GRM4: variants seen among roughly 807,000 people sequenced by gnomAD.
GRM4 encodes glutamate metabotropic receptor 4, also known as metabotropic glutamate receptor 4.
A neutral mutation model predicts 81.7 loss-of-function variants in GRM4; 28 were observed. The observed-to-expected ratio is 0.34, with a 90% CI of 0.25 to 0.47. The LOEUF (loss-of-function observed/expected upper bound fraction) is 0.47. GRM4 is among the 20% of genes least tolerant of loss of function. The pLI is 1.00. For missense variants in GRM4, 948 were observed against 1,290.0 expected (o/e 0.73, Z 4.06); for synonymous variants, 488 against 528.8 (o/e 0.92, Z 1.06).
In GRM4 at chr6:34,036,559, G is replaced by A; in HGVS notation, c.1551C>T (p.Arg517=). 1 of 1,603,722 alleles carries A rather than the reference G, an allele frequency of 6.2e-7. No individual in the cohort carries two copies. Among genetic ancestry groups the A allele is most frequent in the East Asian group, 2.2e-5 (1 of 44,754 alleles). ...HWPGSGQQLP[R]SICSLPCQPG... ...GTTGGCAGGGCAGGCTGCAGATGGA[G>A]CGGGGCAGCTGCTGCCCGCTCCCCG... Residue 517 remains arginine (R), a synonymous_variant, in exon 9 of 11, where the codon CGC becomes CGT. Transcript: ENST00000538487. This position sits in a 1 kb window ranked among gnomAD's most constrained non-coding sequence, Gnocchi z 9.0.
intron 8 of GRM4, 69 bp downstream of exon 8, chr6:34,040,109 T>G (rs553422137): frequency 1.3e-6 from 2 of 1,508,812 alleles, no homozygotes; most frequent in African/African-American, 1.4e-5. Flanking sequence ...CAGCCTCCCC[T>G]TGGGCCCCCC....
intron 6 of GRM4, among the ~76,000 whole-genome samples, chr6:34,046,782 C>T (rs1046124038): frequency 1.3e-5 from 2 of 152,206 alleles, no homozygotes; most frequent in African/African-American, 4.8e-5. Context: ...CACACCTACA[C>T]AGATATAAAC....
chr6:34,127,182 A>G (rs749386228), intron 2 of GRM4, among the ~76,000 whole-genome samples: 41 of 152,218 alleles, frequency 2.7e-4, no homozygotes, highest in Non-Finnish European at 5.1e-4. Context: ...AAATGTGTAC[A>G]TGACTGCAAC....
At chr6:34,056,289 A>G (rs1028510566) in intron 6 of GRM4, 3 of 517,800 alleles carry the variant, frequency 5.8e-6, no homozygotes, top group Non-Finnish European at 1.0e-5. Context: ...AGGGCCGTCC[A>G]CATCAACCCC....
intron 2 of GRM4, chr6:34,101,977 C>T: frequency 6.5e-7 from 1 of 1,529,946 alleles, no homozygotes; most frequent in Non-Finnish European, 8.8e-7. Context: ...CCACTGCCAC[C>T]TGTGCCCTAG....
At chr6:34,081,084 G>A (rs1019547005) in intron 3 of GRM4, among the ~76,000 whole-genome samples, 2 of 152,148 alleles carry the variant, frequency 1.3e-5, no homozygotes, top group South Asian at 2.1e-4. Flanking sequence ...CCAGATGAAG[G>A]GAACCAAATT....
At chr6:34,143,110 G>T (rs182126021) in intron 1 of GRM4, among the ~76,000 whole-genome samples, 2 of 152,176 alleles carry the variant, frequency 1.3e-5, no homozygotes, top group Admixed American at 6.5e-5. Flanking sequence ...TGCGGGGTGT[G>T]GGGGGGATAA....
intron 2 of GRM4, among the ~76,000 whole-genome samples, chr6:34,099,750 A>G (rs1409674483): frequency 1.3e-5 from 2 of 152,124 alleles, no homozygotes; most frequent in African/African-American, 2.4e-5. Context: ...GCCTAGGGGA[A>G]ATGGCGGGGG....
chr6:34,146,404 C>T (rs1026340073), upstream of GRM4, among the ~76,000 whole-genome samples: 3 of 152,224 alleles, frequency 2.0e-5, no homozygotes, highest in Non-Finnish European at 4.4e-5. Context: ...CAGGTGGCCT[C>T]CTGGTCGGCA....
At chr6:34,110,933 G>A (rs899383940) in intron 2 of GRM4, 16 of 1,031,546 alleles carry the variant, frequency 1.6e-5, no homozygotes, top group Non-Finnish European at 1.9e-5. Flanking sequence ...ACAAGGAACA[G>A]CCTCTCTCCA....
intron 2 of GRM4, among the ~76,000 whole-genome samples, chr6:34,098,224 A>G (rs995912874): frequency 6.6e-6 from 1 of 152,222 alleles, no homozygotes; most frequent in Admixed American, 6.5e-5. Context: ...TTAGAGAGAA[A>G]GGCAGGGCTA....
At position 34,092,081 on chromosome 6, in the gene GRM4, C is replaced by T; in HGVS notation, c.538G>A (p.Ala180Thr). The T allele has an allele frequency of 6.2e-7, 1 of 1,607,118 alleles. No homozygotes were observed. The highest frequency in any genetic ancestry group is 8.5e-7 in the Non-Finnish European group (1 of 1,174,522). ...TCACTCAGGTCTGGCGCTGTGGAGG[C>T]GTAGCTGATCTGGGGTATCTGAGGG... Reference protein sequence around the residue: ...RLFKIPQISYASTAPDLSDNS... With the variant: ...RLFKIPQISYTSTAPDLSDNS... Residue 180 changes from alanine to threonine, a missense_variant, in exon 3 of 11, where the codon GCC becomes ACC. Physicochemically the swap from Ala to Thr is moderately conservative, Grantham distance 58 (BLOSUM62 0). Coordinates refer to ENST00000538487, the MANE Select transcript of GRM4 (RefSeq NM_000841.4). The surrounding 1 kb of genome is among the most constrained non-coding windows in gnomAD (Gnocchi z 6.8).
intron 3 of GRM4, among the ~76,000 whole-genome samples, chr6:34,082,260 G>A (rs1385716784): frequency 6.6e-6 from 1 of 152,190 alleles, no homozygotes; most frequent in East Asian, 1.9e-4. Flanking sequence ...TTAGAGATTT[G>A]TCAAATATAT....
At chr6:34,032,508 A>ACATGTCCTCCACCGCC (rs1581589282) in intron 9 of GRM4, among the ~76,000 whole-genome samples, 2 of 152,220 alleles carry the variant, frequency 1.3e-5, no homozygotes, top group East Asian at 3.9e-4. Flanking sequence ...ACTTCAGAAC[A>ACATGTCCTCCACCGCC]CATGTCCTCC....
chr6:34,083,101 C>T (rs1020429813), intron 3 of GRM4, among the ~76,000 whole-genome samples: 2 of 152,228 alleles, frequency 1.3e-5, no homozygotes, highest in Admixed American at 6.5e-5. Context: ...AAAAAGGGCT[C>T]AGCATCTGAC....
intron 8 of GRM4, among the ~76,000 whole-genome samples, chr6:34,038,115 G>A (rs1687460376): frequency 6.6e-6 from 1 of 152,212 alleles, no homozygotes; most frequent in South Asian, 2.1e-4. Flanking sequence ...TTCCCCAGAG[G>A]ACACGGGGCG....
intron 5 of GRM4, among the ~76,000 whole-genome samples, chr6:34,057,434 G>T (rs891982256): frequency 2.0e-5 from 3 of 152,212 alleles, no homozygotes; most frequent in African/African-American, 4.8e-5. Flanking sequence ...GGCAGGAGAC[G>T]CACTGGCATC....
In GRM4 at chr6:34,022,721, C is replaced by T. The variant is rs1252201762; in HGVS notation, c.*100G>A. On this transcript the variant is annotated 3_prime_UTR_variant, in exon 11 of 11. Transcript: ENST00000538487. This position sits in a 1 kb window ranked among gnomAD's most constrained non-coding sequence, Gnocchi z 5.6. ...ACCAAGCCACGTCCGTGGGTGCCCA[C>T]GGGCAGGCAAGACAGCTGGGCCCTT... 1.5e-5 allele frequency: 16 copies of T among 1,081,026 alleles called. No homozygotes were observed. Among genetic ancestry groups the T allele is most frequent in the Non-Finnish European group, 1.8e-5 (13 of 703,210 alleles). The allele number at this position is 1,081,026 out of a possible 1,614,324, so 67.0% of individuals were successfully genotyped here. A position where few individuals can be genotyped will look rare whatever the true frequency, so the allele number is the denominator to read the frequency against.
chr6:34,057,345 G>A (rs183196206), intron 5 of GRM4, among the ~76,000 whole-genome samples: 14 of 152,332 alleles, frequency 9.2e-5, no homozygotes, highest in Admixed American at 7.8e-4. Flanking sequence ...ATGGGCCAGA[G>A]GCCTGAAAGC....
Sources: gnomAD v4.1 joint callset for allele counts (sites outside exome capture counted in the v4.1 genomes callset) on GRCh38, gnomAD v4.1.1 for gene constraint, Gnocchi (gnomAD v3.1) non-coding constraint, MANE v1.5 for transcripts, NCBI Gene and HGNC (gene_info 2026-07-23, HGNC 2026-07-21) for gene names.